TRMT11: variants seen among roughly 807,000 people sequenced by gnomAD.
TRMT11 encodes the protein tRNA (guanine(10)-N(2))-methyltransferase TRMT11.
In TRMT11, 53 loss-of-function variants were observed where a neutral mutation model predicts 62.8. The observed-to-expected ratio is 0.84, with a 90% confidence interval of 0.68 to 1.06. The LOEUF is 1.06. Ranked by LOEUF, TRMT11 falls within the 50% of genes least tolerant of loss-of-function variation. The pLI, the probability that TRMT11 is intolerant of heterozygous loss-of-function variation, is 0.00. For synonymous variants in TRMT11, 188 were observed against 190.3 expected, an observed-to-expected ratio of 0.99 and a Z score of 0.10; for missense variants, 556 against 553.4, an observed-to-expected ratio of 1.00 and a Z score of -0.05.
chr6:126,168,168 A>C (rs1053643392), intron 21 of TRMT11, among the ~76,000 whole-genome samples: 1 of 152,202 alleles, frequency 6.6e-6, no homozygotes, highest in Non-Finnish European at 1.5e-5. Flanking sequence ...AATGCTGAAC[A>C]GTGAAGCTGT....
chr6:126,041,702 G>A (rs1041318719), downstream of TRMT11, among the ~76,000 whole-genome samples: 6 of 152,132 alleles, frequency 3.9e-5, no homozygotes, highest in African/African-American at 1.4e-4. Flanking sequence ...ATAAAGCAAG[G>A]CATAAATAAA....
intron 1 of TRMT11, among the ~76,000 whole-genome samples, chr6:125,990,229 T>G (rs1400745525): frequency 5.9e-5 from 9 of 152,182 alleles, no homozygotes; most frequent in African/African-American, 2.2e-4. Context: ...TATTTGAAAA[T>G]TTATTTGAAA....
chr6:126,051,060 G>A (rs1776204062), intron 16 of TRMT11, among the ~76,000 whole-genome samples: 1 of 152,160 alleles, frequency 6.6e-6, no homozygotes, highest in Admixed American at 6.5e-5. Flanking sequence ...CGTGGGAGAT[G>A]GTTCCAAGAG....
At chr6:126,046,125 C>G (rs902278645) in intron 16 of TRMT11, among the ~76,000 whole-genome samples, 4 of 152,064 alleles carry the variant, frequency 2.6e-5, no homozygotes, top group Admixed American at 6.5e-5. Context: ...AGTTGGCCCC[C>G]CAACCTTGGA....
the TRMT11 span, among the ~76,000 whole-genome samples, chr6:126,223,427 A>T: frequency 1.1e-3 from 76 of 70,474 alleles, 1 homozygote; most frequent in Middle Eastern, 0.038. Flanking sequence ...TCTCGAAAAA[A>T]CAAAACAAAA....
chr6:126,103,563 T>C (rs1277400653), intron 17 of TRMT11, among the ~76,000 whole-genome samples: 1 of 152,180 alleles, frequency 6.6e-6, no homozygotes, highest in Non-Finnish European at 1.5e-5. Context: ...CAAGTGGAGA[T>C]GGTTCTGCTT....
chr6:126,254,208 T>G, the TRMT11 span, among the ~76,000 whole-genome samples: 1 of 152,152 alleles, frequency 6.6e-6, no homozygotes, highest in African/African-American at 2.4e-5. Context: ...CCTTCACCTA[T>G]TGTGTTAAAG....
intron 16 of TRMT11, among the ~76,000 whole-genome samples, chr6:126,050,485 T>C (rs1354308717): frequency 6.6e-6 from 1 of 152,086 alleles, no homozygotes; most frequent in Non-Finnish European, 1.5e-5. Flanking sequence ...GGAGGATCAC[T>C]TGGGGCCAGG....
At chr6:126,133,074 C>T (rs141447107) in intron 21 of TRMT11, among the ~76,000 whole-genome samples, 2 of 152,000 alleles carry the variant, frequency 1.3e-5, no homozygotes, top group East Asian at 3.9e-4. Flanking sequence ...TTCCGCAGTA[C>T]AAGGAAGTTG....
chr6:126,269,986 A>C, the TRMT11 span, among the ~76,000 whole-genome samples: 3 of 152,192 alleles, frequency 2.0e-5, no homozygotes, highest in Non-Finnish European at 4.4e-5. Context: ...CTTTGTGTAC[A>C]CCTTTGACAT....
chr6:126,217,938 C>T, the TRMT11 span, among the ~76,000 whole-genome samples: 1 of 152,082 alleles, frequency 6.6e-6, no homozygotes, highest in Non-Finnish European at 1.5e-5. Flanking sequence ...TATTCTACTG[C>T]AGCTGAGCTG....
At chr6:126,268,076 A>T in the TRMT11 span, among the ~76,000 whole-genome samples, 1 of 152,190 alleles carries the variant, frequency 6.6e-6, no homozygotes, top group Non-Finnish European at 1.5e-5. Flanking sequence ...CTTAAACTAA[A>T]TTAGGTGTAA....
At chr6:126,078,537 A>C (rs540173123) in intron 17 of TRMT11, among the ~76,000 whole-genome samples, 1 of 152,226 alleles carries the variant, frequency 6.6e-6, no homozygotes, top group African/African-American at 2.4e-5. Context: ...AAATCAAGCA[A>C]CGCCTCTGTT....
chr6:126,176,708 A>G (rs1366284118), upstream of TRMT11, among the ~76,000 whole-genome samples: 2 of 152,206 alleles, frequency 1.3e-5, no homozygotes, highest in Non-Finnish European at 2.9e-5. Flanking sequence ...AGAAAGAGGC[A>G]AAGTATGGGT....
the TRMT11 span, among the ~76,000 whole-genome samples, chr6:126,248,836 C>G: frequency 6.6e-6 from 1 of 152,110 alleles, no homozygotes; most frequent in African/African-American, 2.4e-5. Context: ...AATATTATTA[C>G]TAAAACTGCC....
chr6:126,021,322 CA>C, intron 12 of TRMT11, 42 bp downstream of exon 12: 1 of 1,601,166 alleles, frequency 6.2e-7, no homozygotes. Context: ...CTGAAAGAAT[CA>C]AAAGTAGTTG....
chr6:126,261,125 C>T, the TRMT11 span, among the ~76,000 whole-genome samples: 5 of 152,072 alleles, frequency 3.3e-5, no homozygotes, highest in Non-Finnish European at 5.9e-5. Flanking sequence ...CTCTTCTATT[C>T]TTATTTTATG....
chr6:126,049,238 A>C (rs1776144932), intron 16 of TRMT11, among the ~76,000 whole-genome samples: 2 of 151,774 alleles, frequency 1.3e-5, no homozygotes. Context: ...AAGTCTTTTA[A>C]TTGATGGTTT....
chr6:126,066,440 G>A (rs1776693297), intron 17 of TRMT11, among the ~76,000 whole-genome samples: 1 of 152,190 alleles, frequency 6.6e-6, no homozygotes, highest in African/African-American at 2.4e-5. Context: ...TCTTTGTTAT[G>A]TCCTCATATG....
Sources: allele counts gnomAD v4.1 joint callset (sites outside exome capture counted in the v4.1 genomes callset), GRCh38; gene constraint gnomAD v4.1.1; transcripts MANE v1.5; gene names NCBI Gene and HGNC (gene_info 2026-07-23, HGNC 2026-07-21).